The following DLG2 variants were observed in gnomAD, a reference collection of about 807,000 sequenced individuals.
DLG2 encodes the protein disks large homolog 2.
A neutral mutation model predicts 132.5 loss-of-function variants in DLG2; 45 were observed. The ratio of observed to expected loss-of-function variants is 0.34; its 90% CI spans 0.27 to 0.44. The LOEUF (loss-of-function observed/expected upper bound fraction) is 0.44, where lower values mean the gene tolerates loss of function less well. DLG2 is among the 20% of genes least tolerant of loss of function. The pLI is 1.00. For missense variants in DLG2, 1,045 were observed against 1,196.9 expected (o/e 0.87, Z 1.87); for synonymous variants, 424 against 419.6 (o/e 1.01, Z -0.13).
rs964456214 is a variant in DLG2, at chr11:84,204,944, T to C, written c.574-41433A>G. On this transcript the variant is annotated intron_variant, in intron 8 of 27. Transcript: ENST00000376104. Reference sequence around the variant, plus strand: ...GTCTTGAACTCCTGACCTCAGGTGATACACCCGCCTCAGCCTCCCAAAGTG... The same window carrying C: ...GTCTTGAACTCCTGACCTCAGGTGACACACCCGCCTCAGCCTCCCAAAGTG... 1.8e-4 allele frequency among the ~76,000 whole-genome samples: 28 copies of C among 152,208 alleles called. 1 individual carries two copies. Among genetic ancestry groups the C allele is most frequent in the Admixed American group, 1.2e-3 (18 of 15,276 alleles).
intron 3 of DLG2, among the ~76,000 whole-genome samples, chr11:85,476,270 T>C (rs1164083404): frequency 6.6e-6 from 1 of 152,112 alleles, no homozygotes. Context: ...GATACTTCTG[T>C]ATAGGCACTT....
At chr11:84,200,326 TGG>T (rs2096575737) in intron 8 of DLG2, among the ~76,000 whole-genome samples, 1 of 152,118 alleles carries the variant, frequency 6.6e-6, no homozygotes, top group Non-Finnish European at 1.5e-5. Context: ...TAATAGCAGT[TGG>T]AATTTCAGAT....
chr11:83,505,899 C>T (rs1435811257), intron 21 of DLG2, among the ~76,000 whole-genome samples: 1 of 152,178 alleles, frequency 6.6e-6, no homozygotes, highest in Non-Finnish European at 1.5e-5. Flanking sequence ...CCTCTGTCTA[C>T]TGATCATAGG....
chr11:85,459,522 G>C lies in DLG2; in HGVS notation c.40+139135C>G, dbSNP rs556359678. 2.1e-4 allele frequency among the ~76,000 whole-genome samples: 32 copies of C among 152,310 alleles called. No individual in the cohort carries two copies. The South Asian group carries it at 5.2e-3, about 25-fold the overall frequency. Reference sequence around the variant, plus strand: ...GAGCCCCACCCCAGGGAAACTCAGAGACATTCCGTGGGTATGCTTAGCTGT... The same window carrying C: ...GAGCCCCACCCCAGGGAAACTCAGACACATTCCGTGGGTATGCTTAGCTGT... On this transcript the variant is annotated intron_variant, in intron 3 of 27. Coordinates refer to ENST00000376104, the MANE Select transcript of DLG2 (RefSeq NM_001142699.3).
At chr11:83,720,109 A>C (rs951092740) in intron 18 of DLG2, among the ~76,000 whole-genome samples, 1 of 151,816 alleles carries the variant, frequency 6.6e-6, no homozygotes, top group Non-Finnish European at 1.5e-5. Flanking sequence ...CCTGGTCAAC[A>C]TGGCAAAACC....
chr11:85,099,452 T>C (rs1382051659), intron 6 of DLG2, among the ~76,000 whole-genome samples: 3 of 152,244 alleles, frequency 2.0e-5, no homozygotes, highest in South Asian at 2.1e-4. Flanking sequence ...CTTGAATTTC[T>C]AGCTTTGATA....
At chr11:84,414,286 A>G (rs1311088246) in intron 7 of DLG2, among the ~76,000 whole-genome samples, 1 of 152,210 alleles carries the variant, frequency 6.6e-6, no homozygotes, top group Admixed American at 6.5e-5. Context: ...ATTATCAATA[A>G]AGTATTCAGG....
At chr11:85,432,314 C>T (rs942144777) in intron 3 of DLG2, among the ~76,000 whole-genome samples, 4 of 151,928 alleles carry the variant, frequency 2.6e-5, no homozygotes, top group African/African-American at 7.3e-5. Flanking sequence ...CAGAACTGGA[C>T]GAAGGATGAG....
chr11:84,317,474 G>T, intron 7 of DLG2: 1 of 660,970 alleles, frequency 1.5e-6, no homozygotes, highest in Non-Finnish European at 2.0e-6. Context: ...ACCCTTTTTG[G>T]ATGGAGCCCT....
chr11:84,277,953 T>G (rs368415099), intron 7 of DLG2, among the ~76,000 whole-genome samples: 1 of 152,106 alleles, frequency 6.6e-6, no homozygotes, highest in East Asian at 1.9e-4. Flanking sequence ...CAGTCTAATG[T>G]TATGATCATG....
At chr11:85,007,049 A>T (rs982117793) in intron 6 of DLG2, among the ~76,000 whole-genome samples, 2 of 152,166 alleles carry the variant, frequency 1.3e-5, no homozygotes, top group African/African-American at 4.8e-5. Context: ...TAGTTCATAA[A>T]TCATTTTAGG....
At chr11:84,862,736 G>A (rs935460261) in intron 6 of DLG2, among the ~76,000 whole-genome samples, 16 of 141,662 alleles carry the variant, frequency 1.1e-4, no homozygotes, top group African/African-American at 2.9e-4. Context: ...ACCAAACGTC[G>A]CATGTTCTCA....
intron 25 of DLG2, among the ~76,000 whole-genome samples, chr11:83,468,423 T>G (rs2136358487): frequency 6.6e-6 from 1 of 152,326 alleles, no homozygotes; most frequent in East Asian, 1.9e-4. Flanking sequence ...CAGGACAGTT[T>G]GACTAGAACC....
At chr11:84,892,404 A>G (rs1460742363) in intron 6 of DLG2, among the ~76,000 whole-genome samples, 2 of 152,120 alleles carry the variant, frequency 1.3e-5, no homozygotes, top group Non-Finnish European at 2.9e-5. Flanking sequence ...ATGCAGCTCT[A>G]TGGCAAAAAA....
At chr11:83,549,833 T>C (rs2096342913) in intron 19 of DLG2, among the ~76,000 whole-genome samples, 1 of 152,184 alleles carries the variant, frequency 6.6e-6, no homozygotes, top group Non-Finnish European at 1.5e-5. Flanking sequence ...GGAGTGCAGA[T>C]TTCTAGTCCT....
chr11:85,453,979 C>T (rs1159727986), intron 3 of DLG2, among the ~76,000 whole-genome samples: 1 of 151,896 alleles, frequency 6.6e-6, no homozygotes, highest in African/African-American at 2.4e-5. Flanking sequence ...CCCTTTGTGT[C>T]CATGTGTTTT....
chr11:84,755,531 C>G (rs1477846501), intron 6 of DLG2, among the ~76,000 whole-genome samples: 2 of 152,232 alleles, frequency 1.3e-5, no homozygotes, highest in African/African-American at 4.8e-5. Flanking sequence ...TCAAGACATT[C>G]TCCTGCCTCA....
intron 6 of DLG2, among the ~76,000 whole-genome samples, chr11:84,969,627 A>G (rs2053794545): frequency 6.6e-6 from 1 of 152,190 alleles, no homozygotes; most frequent in African/African-American, 2.4e-5. Context: ...AGAGACTAGA[A>G]AAATAAGTTG....
chr11:84,198,967 A>T (rs1348078645), intron 8 of DLG2, among the ~76,000 whole-genome samples: 1 of 152,200 alleles, frequency 6.6e-6, no homozygotes, highest in Non-Finnish European at 1.5e-5. Context: ...TTGTTAAAAA[A>T]TGGTCAACAG....
Sources: gnomAD v4.1 joint callset for allele counts (sites outside exome capture counted in the v4.1 genomes callset) on GRCh38, gnomAD v4.1.1 for gene constraint, MANE v1.5 for transcripts, NCBI Gene and HGNC (gene_info 2026-07-23, HGNC 2026-07-21) for gene names.